Variants in TTC7A observed in about 807,000 individuals in gnomAD.
TTC7A encodes the protein tetratricopeptide repeat domain 7A.
Under a neutral mutation model 103.7 loss-of-function variants are expected in TTC7A, and 110 were observed. The ratio of observed to expected loss-of-function variants is 1.06; its 90% CI spans 0.91 to 1.24. The LOEUF (loss-of-function observed/expected upper bound fraction) is 1.24. Among genes scored for constraint, TTC7A ranks in the 50% most tolerant of loss-of-function variants. The pLI, the probability that TTC7A is intolerant of heterozygous loss-of-function variation, is 0.00. For missense variants in TTC7A, 1,340 were observed against 1,116.3 expected, an observed-to-expected ratio of 1.20 and a Z score of -2.86; for synonymous variants, 521 against 467.9, an observed-to-expected ratio of 1.11 and a Z score of -1.47.
intron 15 of TTC7A, among the ~76,000 whole-genome samples, chr2:47,039,127 C>A (rs892991528): frequency 6.6e-6 from 1 of 152,098 alleles, no homozygotes; most frequent in African/African-American, 2.4e-5. Flanking sequence ...TGAATAGGCA[C>A]CATCAGAGGT....
intron 5 of TTC7A, among the ~76,000 whole-genome samples, chr2:46,989,545 G>T (rs55805005): frequency 6.6e-6 from 1 of 152,010 alleles, no homozygotes; most frequent in African/African-American, 2.4e-5. Context: ...AGGCAGAGGG[G>T]CATTCTCAGG....
intron 2 of TTC7A, among the ~76,000 whole-genome samples, chr2:46,924,347 C>G (rs1314872267): frequency 6.6e-6 from 1 of 151,824 alleles, no homozygotes; most frequent in Non-Finnish European, 1.5e-5. Flanking sequence ...AAGTTAGCTC[C>G]TTCTTAATTT....
At position 47,024,313 on chromosome 2, in the gene TTC7A, C is replaced by T. The variant is rs1679635750; in HGVS notation, c.1595C>T (p.Pro532Leu). Residue 532 changes from proline to leucine, a missense_variant, in exon 14 of 20, where the codon CCC becomes CTC. Coordinates refer to ENST00000319190, the MANE Select transcript of TTC7A (RefSeq NM_020458.4). The stretch of plus-strand genomic sequence containing the variant: ...GCTCAGCAGCTGGCGCCCAGTGACC[C>T]CCAGGTCATCCTCTATGTCTCGCTG... Reference protein sequence around the residue: ...ERAQQLAPSDPQVILYVSLQL... With the variant: ...ERAQQLAPSDLQVILYVSLQL... 5 of 1,609,454 alleles carry T rather than the reference C, an allele frequency of 3.1e-6. No individual in the cohort carries two copies. The highest frequency in any genetic ancestry group is 1.1e-5 in the South Asian group (1 of 90,416).
chr2:46,956,957 A>G lies in TTC7A; in HGVS notation c.467A>G (p.Asn156Ser). 1 of 1,614,146 alleles carries G rather than the reference A, an allele frequency of 6.2e-7. No homozygotes were observed. The highest frequency in any genetic ancestry group is 8.5e-7 in the Non-Finnish European group (1 of 1,180,020). The change falls in exon 3 of 20, where the codon AAC becomes AGC. Residue 156 changes from asparagine (N) to serine (S), a missense_variant. Asn to Ser is a conservative substitution (Grantham distance 46, BLOSUM62 1). Transcript: ENST00000319190. ...RAGIDDMSME[N>S]KPLYQMRLLS... ...GGGATTGATGACATGTCCATGGAGA[A>G]CAAGCCCCTGTATCAGATGCGGCTG...
At chr2:47,055,827 G>A (rs1050245438) in intron 18 of TTC7A, among the ~76,000 whole-genome samples, 1 of 152,138 alleles carries the variant, frequency 6.6e-6, no homozygotes, top group Non-Finnish European at 1.5e-5. Flanking sequence ...GGGCTGGGGT[G>A]GGGTGGCCAG....
intron 18 of TTC7A, among the ~76,000 whole-genome samples, chr2:47,058,769 A>G (rs903070291): frequency 6.6e-6 from 1 of 152,222 alleles, no homozygotes; most frequent in Non-Finnish European, 1.5e-5. Context: ...TAAAGTGCCT[A>G]CCGTGGGGTG....
intron 12 of TTC7A, 34 bp downstream of exon 12, chr2:47,022,013 G>T: frequency 6.6e-7 from 1 of 1,523,744 alleles, no homozygotes; most frequent in Non-Finnish European, 9.1e-7. Flanking sequence ...CTCTACTTGG[G>T]GATGGCTCAG....
At chr2:46,988,179 C>T (rs1675235124) in intron 5 of TTC7A, among the ~76,000 whole-genome samples, 1 of 152,156 alleles carries the variant, frequency 6.6e-6, no homozygotes, top group South Asian at 2.1e-4. Flanking sequence ...GCACTACCTC[C>T]TCAACCTTCC....
chr2:46,919,527 C>T (rs983000835), intron 2 of TTC7A, among the ~76,000 whole-genome samples: 1 of 152,246 alleles, frequency 6.6e-6, no homozygotes, highest in Non-Finnish European at 1.5e-5. Flanking sequence ...GAGCTAAACT[C>T]TGTCTCTAAA....
At chr2:46,982,187 A>G (rs775243794) in intron 5 of TTC7A, among the ~76,000 whole-genome samples, 1 of 151,880 alleles carries the variant, frequency 6.6e-6, no homozygotes, top group Non-Finnish European at 1.5e-5. Flanking sequence ...AGCCTGGGCA[A>G]CATAGGGAGA....
intron 4 of TTC7A, 131 bp from the exon 5 acceptor site, chr2:46,978,661 T>A (rs1674118422): frequency 1.5e-6 from 1 of 647,514 alleles, no homozygotes; most frequent in Non-Finnish European, 2.7e-6. Flanking sequence ...AGATCAAGCC[T>A]GGTCTGAGAA....
intron 2 of TTC7A, among the ~76,000 whole-genome samples, chr2:46,953,745 T>C (rs1303840257): frequency 6.6e-6 from 1 of 152,130 alleles, no homozygotes; most frequent in Non-Finnish European, 1.5e-5. Flanking sequence ...CTTTGCACCA[T>C]CGCATGCAGG....
In TTC7A at chr2:46,941,713, T is replaced by TC; in HGVS notation, c.172_173insC (p.Phe58SerfsTer6). 3 of 1,550,390 alleles carry TC rather than the reference T, an allele frequency of 1.9e-6. No homozygotes were observed. The highest frequency in any genetic ancestry group is 2.6e-6 in the Non-Finnish European group (3 of 1,147,182). On this transcript the variant is annotated frameshift_variant, in exon 1 of 20. Transcript: ENST00000319190. LOFTEE classifies it high-confidence loss of function. This position sits in a 1 kb window ranked among gnomAD's most constrained non-coding sequence, Gnocchi z 4.2. ...AGGCAGCCCGAGCGCAGCGTTCACC[T>TC]TTCCGGACACCGGTGAGTAAGGGAA...
intron 4 of TTC7A, among the ~76,000 whole-genome samples, chr2:46,977,125 C>T (rs914940338): frequency 6.6e-6 from 1 of 152,156 alleles, no homozygotes; most frequent in East Asian, 1.9e-4. Flanking sequence ...GGGATTAAGG[C>T]GATGAGCTAT....
chr2:46,925,428 G>T (rs1273179487), intron 2 of TTC7A, among the ~76,000 whole-genome samples: 1 of 152,090 alleles, frequency 6.6e-6, no homozygotes, highest in Non-Finnish European at 1.5e-5. Context: ...CATGGTGGTG[G>T]GCGCTTGTAA....
At position 47,056,513 on chromosome 2, in the gene TTC7A, G is replaced by A. The variant is rs565589786; in HGVS notation, c.2153-4256G>A. On this transcript the variant is annotated intron_variant, in intron 18 of 19. Coordinates refer to ENST00000319190, the MANE Select transcript of TTC7A (RefSeq NM_020458.4). ...CTGCGGGCAAGGCCCTCCCTGCAAAGGGGGTGTGGAAATAGCCCATGGAAA... is the reference window on the plus strand; with the variant it reads ...CTGCGGGCAAGGCCCTCCCTGCAAAAGGGGTGTGGAAATAGCCCATGGAAA... Among the ~76,000 whole-genome samples, 249 of 152,342 alleles carry A rather than the reference G, an allele frequency of 1.6e-3. 1 individual carries two copies. Among genetic ancestry groups the A allele is most frequent in the South Asian group, 4.6e-3 (22 of 4,832 alleles).
At chr2:47,041,319 G>A (rs992046476) in intron 15 of TTC7A, among the ~76,000 whole-genome samples, 1 of 152,222 alleles carries the variant, frequency 6.6e-6, no homozygotes, top group Non-Finnish European at 1.5e-5. Context: ...CAGACGCTGG[G>A]GGAGGGCAGC....
chr2:46,958,485 C>T lies in TTC7A; in HGVS notation c.517+1478C>T, dbSNP rs1461711861. 3.1e-6 allele frequency: 4 copies of T among 1,304,276 alleles called. No individual in the cohort carries two copies. The South Asian group carries it at 4.9e-5, about 16-fold the overall frequency. 80.8% of individuals were successfully genotyped at this position (1,304,276 alleles called of 1,614,324 possible). ...ATTGCCCCCTGTCTCCTGCTCTCTC[C>T]TCTTTCCAGCATGCCTCCGGCTTCT... On this transcript the variant is annotated intron_variant, in intron 3 of 19. Transcript: ENST00000319190.
At chr2:47,069,453 C>T (rs1431503784) in intron 19 of TTC7A, among the ~76,000 whole-genome samples, 1 of 152,158 alleles carries the variant, frequency 6.6e-6, no homozygotes, top group Non-Finnish European at 1.5e-5. Flanking sequence ...CCTTGTGAGT[C>T]TGGGCTCTTC....
Sources: allele counts gnomAD v4.1 joint callset (sites outside exome capture counted in the v4.1 genomes callset), GRCh38; gene constraint gnomAD v4.1.1; non-coding constraint Gnocchi (gnomAD v3.1); transcripts MANE v1.5; gene names NCBI Gene and HGNC (gene_info 2026-07-23, HGNC 2026-07-21).